The following DLG2 variants were observed in gnomAD, a reference collection of about 807,000 sequenced individuals.
The protein encoded by DLG2 is discs large MAGUK scaffold protein 2, also known as disks large homolog 2.
In DLG2, 45 loss-of-function variants were observed where a neutral mutation model predicts 132.5. The observed-to-expected ratio is 0.34, with a 90% CI of 0.27 to 0.44. The LOEUF is 0.44. Among genes scored for constraint, DLG2 ranks in the 20% least tolerant of loss-of-function variants. The pLI is 1.00. For missense variants in DLG2, 1,045 were observed against 1,196.9 expected (o/e 0.87, Z 1.87); for synonymous variants, 424 against 419.6 (o/e 1.01, Z -0.13).
chr11:85,201,266 A>C (rs538180253), intron 4 of DLG2, among the ~76,000 whole-genome samples: 33 of 151,864 alleles, frequency 2.2e-4, no homozygotes, highest in Admixed American at 7.9e-4. Flanking sequence ...AGACCCACAC[A>C]CCTCTGAGCC....
At chr11:84,769,486 G>A (rs1447725848) in intron 6 of DLG2, among the ~76,000 whole-genome samples, 2 of 152,088 alleles carry the variant, frequency 1.3e-5, no homozygotes, top group Non-Finnish European at 2.9e-5. Context: ...ATTATTTAAA[G>A]TGACCAAATA....
At chr11:85,231,353 CT>C (rs2152645712) in intron 4 of DLG2, among the ~76,000 whole-genome samples, 1 of 152,006 alleles carries the variant, frequency 6.6e-6, no homozygotes, top group South Asian at 2.1e-4. Flanking sequence ...ATTCAGTTAA[CT>C]TTTTATATCA....
At chr11:85,286,172 G>A (rs763545389) in intron 3 of DLG2, 9 of 427,244 alleles carry the variant, frequency 2.1e-5, no homozygotes, top group Non-Finnish European at 4.1e-5. Context: ...TACTCTAGTT[G>A]GTAAACTTGT....
At chr11:83,898,411 A>T (rs1376481056) in intron 15 of DLG2, among the ~76,000 whole-genome samples, 1 of 152,002 alleles carries the variant, frequency 6.6e-6, no homozygotes, top group Non-Finnish European at 1.5e-5. Flanking sequence ...GTAAATTATA[A>T]ATTTGTTTTT....
chr11:85,222,318 T>A (rs921422856), intron 4 of DLG2, among the ~76,000 whole-genome samples: 3 of 152,258 alleles, frequency 2.0e-5, no homozygotes, highest in African/African-American at 7.2e-5. Context: ...CATAGACCCA[T>A]TTAGTGGTAG....
intron 19 of DLG2, among the ~76,000 whole-genome samples, chr11:83,603,394 T>C (rs78945537): frequency 0.014 from 2,128 of 152,276 alleles, 52 homozygotes; most frequent in African/African-American, 0.048. Context: ...GTTATATTCA[T>C]TGTATAAATA....
chr11:84,808,324 C>A (rs1435125760), intron 6 of DLG2, among the ~76,000 whole-genome samples: 1 of 151,972 alleles, frequency 6.6e-6, no homozygotes, highest in Non-Finnish European at 1.5e-5. Flanking sequence ...TTATGGGACA[C>A]AGTTAAAGTC....
chr11:85,364,084 A>T (rs2084359741), intron 3 of DLG2, among the ~76,000 whole-genome samples: 1 of 152,188 alleles, frequency 6.6e-6, no homozygotes, highest in African/African-American at 2.4e-5. Flanking sequence ...GGTTATAACA[A>T]GGTTCTTTCA....
At chr11:84,038,437 C>G (rs2095938625) in intron 11 of DLG2, among the ~76,000 whole-genome samples, 1 of 151,852 alleles carries the variant, frequency 6.6e-6, no homozygotes, top group Non-Finnish European at 1.5e-5. Context: ...AAATCAAAAC[C>G]ACAATTAGAT....
intron 3 of DLG2, among the ~76,000 whole-genome samples, chr11:85,324,937 G>A (rs997106475): frequency 4.7e-5 from 7 of 148,232 alleles, no homozygotes; most frequent in Non-Finnish European, 1.0e-4. Context: ...AGCCGAAGCA[G>A]GGCGAGGCAT....
chr11:85,036,235 A>T (rs1388366368), intron 6 of DLG2, among the ~76,000 whole-genome samples: 1 of 152,174 alleles, frequency 6.6e-6, no homozygotes, highest in African/African-American at 2.4e-5. Context: ...TTGATTGATT[A>T]TACCACTTAA....
chr11:84,253,945 A>G (rs542838640), intron 7 of DLG2, among the ~76,000 whole-genome samples: 1 of 152,296 alleles, frequency 6.6e-6, no homozygotes, highest in Non-Finnish European at 1.5e-5. Context: ...TAGACAAAGC[A>G]AAGACCACCC....
At chr11:84,621,635 T>G (rs2099614124) in intron 6 of DLG2, among the ~76,000 whole-genome samples, 1 of 152,092 alleles carries the variant, frequency 6.6e-6, no homozygotes, top group South Asian at 2.1e-4. Context: ...TACAAGCTAT[T>G]TGGAAGAGAA....
At position 85,331,259 on chromosome 11, in the gene DLG2, T is replaced by C. The variant is rs1340710468; in HGVS notation, c.41-45894A>G. On this transcript the variant is annotated intron_variant, in intron 3 of 27. Coordinates refer to ENST00000376104, the MANE Select transcript of DLG2 (RefSeq NM_001142699.3). ...GAGAACATTAATATGACAAAATATGTAAATAGACGCCCTATAAAAAGGGTT... is the reference window on the plus strand; with the variant it reads ...GAGAACATTAATATGACAAAATATGCAAATAGACGCCCTATAAAAAGGGTT... Among the ~76,000 whole-genome samples the C allele has an allele frequency of 2.0e-5, 3 of 152,132 alleles. No individual in the cohort carries two copies. The East Asian group carries it at 5.8e-4, about 29-fold the overall frequency.
chr11:84,795,475 T>C (rs551746490), intron 6 of DLG2, among the ~76,000 whole-genome samples: 207 of 152,254 alleles, frequency 1.4e-3, no homozygotes, highest in African/African-American at 4.8e-3. Flanking sequence ...CAGGATGACC[T>C]GCCTGCAGAG....
chr11:83,477,878 C>CT lies in DLG2; in HGVS notation c.2294-5102dup, dbSNP rs1277514521. ...ATATATTTGTTCCAAACCTGTGTGT[C>CT]TTTTTTCATGGCAGTGCTCTTTCTG... On this transcript the variant is annotated intron_variant, in intron 22 of 27. Coordinates refer to ENST00000376104, the MANE Select transcript of DLG2 (RefSeq NM_001142699.3). Among the ~76,000 whole-genome samples, 13 of 152,054 alleles carry CT rather than the reference C, an allele frequency of 8.5e-5. No homozygotes were observed. In the East Asian group the frequency reaches 2.3e-3, roughly 27 times the overall value.
intron 6 of DLG2, among the ~76,000 whole-genome samples, chr11:84,704,359 T>C (rs1357749465): frequency 6.6e-6 from 1 of 151,598 alleles, no homozygotes; most frequent in Non-Finnish European, 1.5e-5. Flanking sequence ...CAGAGTATAG[T>C]TTTCAGAGTT....
At chr11:84,827,676 C>CAAAAAGAAAAAAAAA (rs2078501375) in intron 6 of DLG2, among the ~76,000 whole-genome samples, 1 of 35,090 alleles carries the variant, frequency 2.8e-5, no homozygotes, top group Non-Finnish European at 4.6e-5. Flanking sequence ...TACATACAGT[C>CAAAAAGAAAAAAAAA]AAAAAAAAAA....
intron 3 of DLG2, among the ~76,000 whole-genome samples, chr11:85,549,043 A>G (rs1043051681): frequency 1.3e-5 from 2 of 152,076 alleles, no homozygotes; most frequent in Non-Finnish European, 2.9e-5. Flanking sequence ...GTATGAAAAA[A>G]AAACTCCTGC....
Sources: gnomAD v4.1 joint callset for allele counts (sites outside exome capture counted in the v4.1 genomes callset) on GRCh38, gnomAD v4.1.1 for gene constraint, MANE v1.5 for transcripts, NCBI Gene and HGNC (gene_info 2026-07-23, HGNC 2026-07-21) for gene names.